The following ADAM23 variants were observed in gnomAD, a reference collection of about 807,000 sequenced individuals.
ADAM23 encodes disintegrin and metalloproteinase domain-containing protein 23.
Under a neutral mutation model 120.1 loss-of-function variants are expected in ADAM23, and 33 were observed. That is an observed-to-expected ratio of 0.27 (90% CI 0.21 to 0.37). The LOEUF is 0.37. Among genes scored for constraint, ADAM23 ranks in the 10% least tolerant of loss-of-function variants. The pLI, the probability that ADAM23 is intolerant of heterozygous loss-of-function variation, is 1.00. For missense variants in ADAM23, 862 were observed against 1,058.2 expected (o/e 0.81, Z 2.57); for synonymous variants, 367 against 375.2 (o/e 0.98, Z 0.25).
In ADAM23 at chr2:206,570,197, G is replaced by A. The variant is rs185520309; in HGVS notation, c.1495-543G>A. Among the ~76,000 whole-genome samples the A allele has an allele frequency of 2.0e-5, 3 of 152,278 alleles. No homozygotes were observed. In the East Asian group the frequency reaches 5.8e-4, roughly 29 times the overall value. The stretch of plus-strand genomic sequence containing the variant: ...ATATCCATACATGTGTCTTATGCTT[G>A]CAGACACTTGAGATTTCTTTTCAGT... On this transcript the variant is annotated intron_variant, in intron 15 of 25. Coordinates refer to ENST00000264377, the MANE Select transcript of ADAM23 (RefSeq NM_003812.4).
chr2:206,508,428 A>G (rs1696547402), intron 3 of ADAM23, among the ~76,000 whole-genome samples: 1 of 151,314 alleles, frequency 6.6e-6, no homozygotes. Context: ...GGCAGAGGCG[A>G]GCGGATCACC....
At chr2:206,454,481 A>G (rs563797230) in intron 2 of ADAM23, among the ~76,000 whole-genome samples, 2 of 152,276 alleles carry the variant, frequency 1.3e-5, no homozygotes, top group South Asian at 2.1e-4. Context: ...ATTCCACCCT[A>G]GCCCATCCCA....
In ADAM23 at chr2:206,443,822, G is replaced by C; in HGVS notation, c.-45G>C. ...CCGCGGCCGCCCCGCAGCTAGCCCG[G>C]CGCTCTCGCCGGCCACACGGAGCGG... is the stretch of plus-strand genomic sequence containing the variant. On this transcript the variant is annotated 5_prime_UTR_variant, in exon 1 of 26. Coordinates refer to ENST00000264377, the MANE Select transcript of ADAM23 (RefSeq NM_003812.4). The C allele has an allele frequency of 9.6e-7, 1 of 1,042,238 alleles. No individual in the cohort carries two copies. Among genetic ancestry groups the C allele is most frequent in the Non-Finnish European group, 1.2e-6 (1 of 864,684 alleles). 64.6% of individuals were successfully genotyped at this position (1,042,238 alleles called of 1,614,324 possible).
At chr2:206,617,332 A>T (rs1223007228) in intron 25 of ADAM23, among the ~76,000 whole-genome samples, 1 of 152,090 alleles carries the variant, frequency 6.6e-6, no homozygotes, top group East Asian at 1.9e-4. Flanking sequence ...AAAATAAACA[A>T]CCCAAAGTTT....
At chr2:206,581,138 A>G (rs934062920) in intron 18 of ADAM23, among the ~76,000 whole-genome samples, 7 of 151,914 alleles carry the variant, frequency 4.6e-5, no homozygotes, top group African/African-American at 1.7e-4. Context: ...TGGTCTATCA[A>G]TTTTATTTAT....
intron 3 of ADAM23, among the ~76,000 whole-genome samples, chr2:206,497,594 A>T (rs982291555): frequency 2.0e-5 from 3 of 152,320 alleles, no homozygotes; most frequent in African/African-American, 7.2e-5. Flanking sequence ...AACTGGCACA[A>T]GACAGGGATG....
intron 3 of ADAM23, among the ~76,000 whole-genome samples, chr2:206,527,701 G>A (rs1391453783): frequency 7.2e-5 from 11 of 152,220 alleles, no homozygotes. Context: ...GGCCTACTAT[G>A]CATTAGGCAT....
intron 3 of ADAM23, among the ~76,000 whole-genome samples, chr2:206,484,517 C>T (rs969118574): frequency 5.9e-5 from 9 of 152,126 alleles, no homozygotes; most frequent in African/African-American, 1.9e-4. Context: ...ACCCAGGGCT[C>T]AATCTCTGTG....
intron 24 of ADAM23, among the ~76,000 whole-genome samples, chr2:206,598,646 C>G (rs1479121490): frequency 6.6e-6 from 1 of 152,198 alleles, no homozygotes; most frequent in Non-Finnish European, 1.5e-5. Flanking sequence ...CGCCTGTAAT[C>G]CCAAGACTTT....
At chr2:206,537,288 T>G (rs1395531624) in intron 4 of ADAM23, among the ~76,000 whole-genome samples, 3 of 152,168 alleles carry the variant, frequency 2.0e-5, no homozygotes, top group African/African-American at 7.2e-5. Context: ...GAAGGGTTTT[T>G]GGCAGCAGGA....
intron 3 of ADAM23, among the ~76,000 whole-genome samples, chr2:206,496,530 A>G (rs1696252365): frequency 6.6e-6 from 1 of 152,222 alleles, no homozygotes; most frequent in South Asian, 2.1e-4. Flanking sequence ...ATAGCACTAA[A>G]TGCCCACAAG....
At chr2:206,482,034 C>A (rs973664362) in intron 3 of ADAM23, among the ~76,000 whole-genome samples, 5 of 152,136 alleles carry the variant, frequency 3.3e-5, no homozygotes, top group African/African-American at 1.2e-4. Flanking sequence ...AAGCTTTTGT[C>A]AGTATTTTGA....
At position 206,565,154 on chromosome 2, in the gene ADAM23, G is replaced by A. The variant is rs1042586664; in HGVS notation, c.1394+86G>A. ...TAGAAACAAGGTCTCTCGGGTATTG[G>A]TCTTTTAGGCTAAGCACAATATAAA... On this transcript the variant is annotated intron_variant, in intron 14 of 25. Transcript: ENST00000264377. 6.7e-6 allele frequency: 8 copies of A among 1,200,944 alleles called. No individual in the cohort carries two copies. In the African/African-American group the frequency reaches 7.5e-5, roughly 11 times the overall value. 74.4% of individuals were successfully genotyped at this position (1,200,944 alleles called of 1,614,324 possible).
At chr2:206,546,521 A>G (rs1470478727) in intron 6 of ADAM23, among the ~76,000 whole-genome samples, 1 of 152,134 alleles carries the variant, frequency 6.6e-6, no homozygotes, top group African/African-American at 2.4e-5. Context: ...TTCTGATTAT[A>G]AAACTAATAT....
intron 3 of ADAM23, among the ~76,000 whole-genome samples, chr2:206,481,623 G>A (rs1695898999): frequency 6.6e-6 from 1 of 152,088 alleles, no homozygotes; most frequent in South Asian, 2.1e-4. Flanking sequence ...TAAATTTACT[G>A]ATTCAAGTAT....
intron 18 of ADAM23, among the ~76,000 whole-genome samples, chr2:206,574,402 C>CTT (rs79570605): frequency 6.2e-5 from 8 of 128,682 alleles, no homozygotes; most frequent in South Asian, 2.5e-4. Context: ...GTGTGGTTTT[C>CTT]TTTTTTTTTT....
At chr2:206,576,521 A>G (rs951283400) in intron 18 of ADAM23, among the ~76,000 whole-genome samples, 1 of 152,138 alleles carries the variant, frequency 6.6e-6, no homozygotes, top group East Asian at 1.9e-4. Flanking sequence ...TTTTTCTAGC[A>G]TGATCAGGAT....
intron 3 of ADAM23, among the ~76,000 whole-genome samples, chr2:206,499,296 C>T (rs1696329477): frequency 6.6e-6 from 1 of 151,644 alleles, no homozygotes; most frequent in African/African-American, 2.4e-5. Context: ...CACGTATACA[C>T]CATATACTAT....
intron 25 of ADAM23, among the ~76,000 whole-genome samples, chr2:206,612,948 C>T (rs1180604626): frequency 6.6e-6 from 1 of 152,188 alleles, no homozygotes. Flanking sequence ...GCAAGACTTC[C>T]ACAAGCAAGG....
Sources: gnomAD v4.1 joint callset for allele counts (sites outside exome capture counted in the v4.1 genomes callset) on GRCh38, gnomAD v4.1.1 for gene constraint, MANE v1.5 for transcripts, NCBI Gene and HGNC (gene_info 2026-07-23, HGNC 2026-07-21) for gene names.